ZNF217: variants seen among roughly 807,000 people sequenced by gnomAD.
The protein encoded by ZNF217 is zinc finger protein 217.
In ZNF217, 12 loss-of-function variants were observed where a neutral mutation model predicts 73.3. That is an observed-to-expected ratio of 0.16 (90% CI 0.10 to 0.27). The LOEUF is 0.27. Among genes scored for constraint, ZNF217 ranks in the 10% least tolerant of loss-of-function variants. ZNF217 has a pLI of 1.00. For missense variants in ZNF217, 1,195 were observed against 1,327.8 expected (o/e 0.90, Z 1.55); for synonymous variants, 588 against 516.4 (o/e 1.14, Z -1.88).
chr20:53,569,496 C>G (rs1987901167), intron 5 of ZNF217, among the ~76,000 whole-genome samples: 1 of 152,140 alleles, frequency 6.6e-6, no homozygotes, highest in African/African-American at 2.4e-5. Context: ...GATTCTCCTG[C>G]CTCAGCCTTC....
rs748553841 is a variant in ZNF217, at chr20:53,577,154, C to A, written c.1610G>T (p.Gly537Val). Reference sequence around the variant, plus strand: ...TGCATCTTCAGTGTCCTGATTTTTACCATCGTTCTTGACTTCAGCAGCAAC... The same window carrying A: ...TGCATCTTCAGTGTCCTGATTTTTAACATCGTTCTTGACTTCAGCAGCAAC... ...TDVAAEVKNDGKNQDTEDALL... is the reference protein window; with the variant it reads ...TDVAAEVKNDVKNQDTEDALL... Residue 537 changes from glycine to valine, a missense_variant, in exon 4 of 6, where the codon GGT becomes GTT. This residue lies in a region of ZNF217 where 649 missense variants were observed against 642.8 expected (regional missense o/e 1.01). Coordinates refer to ENST00000371471, the MANE Select transcript of ZNF217 (RefSeq NM_006526.3). 2 of 1,614,084 alleles carry A rather than the reference C, an allele frequency of 1.2e-6. No individual in the cohort carries two copies. Among genetic ancestry groups the A allele is most frequent in the South Asian group, 2.2e-5 (2 of 91,080 alleles).
intron 1 of ZNF217, among the ~76,000 whole-genome samples, chr20:53,584,672 A>T (rs923504538): frequency 6.6e-6 from 1 of 152,212 alleles, no homozygotes; most frequent in Non-Finnish European, 1.5e-5. Context: ...TATTTAACGC[A>T]GTTGGTTAAA....
intron 1 of ZNF217, among the ~76,000 whole-genome samples, chr20:53,587,948 C>T (rs1988753931): frequency 6.6e-6 from 1 of 151,750 alleles, no homozygotes; most frequent in African/African-American, 2.4e-5. Context: ...AGGGGTCACA[C>T]CCATGAGGCT....
At chr20:53,578,482 A>T (rs1404417661) in intron 2 of ZNF217, 32 bp from the exon 3 acceptor site, 1 of 1,350,350 alleles carries the variant, frequency 7.4e-7, no homozygotes, top group African/African-American at 1.5e-5. Flanking sequence ...TTTATATAAG[A>T]AGGTAGCTGA....
chr20:53,579,895 G>A (rs1421579998), intron 2 of ZNF217, among the ~76,000 whole-genome samples: 1 of 152,210 alleles, frequency 6.6e-6, no homozygotes, highest in Non-Finnish European at 1.5e-5. Flanking sequence ...ACGCCAAGCT[G>A]GGGTGCTCCC....
chr20:53,569,385 T>TTTG (rs202191003), intron 5 of ZNF217, 121 bp from the exon 6 acceptor site: 1 of 706,688 alleles, frequency 1.4e-6, no homozygotes, highest in South Asian at 1.9e-5. Flanking sequence ...ATGGGTTCTA[T>TTTG]TTGTTGTTGT....
intron 1 of ZNF217, among the ~76,000 whole-genome samples, chr20:53,593,527 G>A (rs1483931867): frequency 6.6e-6 from 1 of 150,754 alleles, no homozygotes; most frequent in African/African-American, 2.4e-5. Flanking sequence ...TGACGGCCAA[G>A]AGCGGATGCA....
chr20:53,593,343 T>A (rs1270987787), intron 1 of ZNF217, among the ~76,000 whole-genome samples: 1 of 152,056 alleles, frequency 6.6e-6, no homozygotes, highest in East Asian at 1.9e-4. Flanking sequence ...TACGCCGACG[T>A]TCCCCCTCCG....
chr20:53,569,856 A>T (rs187529162), intron 5 of ZNF217, among the ~76,000 whole-genome samples: 1 of 152,258 alleles, frequency 6.6e-6, no homozygotes, highest in African/African-American at 2.4e-5. Context: ...GCTACTCAGG[A>T]GGCTGTGGTG....
chr20:53,586,993 G>A (rs1485824952), intron 1 of ZNF217, among the ~76,000 whole-genome samples: 1 of 152,226 alleles, frequency 6.6e-6, no homozygotes, highest in African/African-American at 2.4e-5. Flanking sequence ...TAAGCTTACT[G>A]AAAAGTACTT....
rs750541013 is a variant in ZNF217, at chr20:53,588,381, TTTAA to T, written c.-342-5217_-342-5214del. Among the ~76,000 whole-genome samples the T allele has an allele frequency of 3.0e-3, 463 of 152,246 alleles. 5 individuals carry two copies. Among genetic ancestry groups the T allele is most frequent in the African/African-American group, 0.011 (438 of 41,550 alleles). On this transcript the variant is annotated intron_variant, in intron 1 of 5. Transcript: ENST00000371471. ...ATAAGGAAAGTGAATTTTTAAAAAC[TTTAA>T]TTAAGCAAGATTAAGCATTGCTATC...
intron 1 of ZNF217, among the ~76,000 whole-genome samples, chr20:53,586,411 A>T (rs1313865958): frequency 1.3e-5 from 2 of 152,136 alleles, no homozygotes; most frequent in African/African-American, 4.8e-5. Context: ...TCAAGAGCGT[A>T]ATAAAAAAAA....
At position 53,583,091 on chromosome 20, in the gene ZNF217, CTT is replaced by C. The variant is rs1272229267; in HGVS notation, c.-267_-266del. 2.8e-5 allele frequency: 12 copies of C among 430,670 alleles called. No homozygotes were observed. The South Asian group carries it at 7.7e-4, about 27-fold the overall frequency. The allele number at this position is 430,670 out of a possible 1,614,324, so 26.7% of individuals were successfully genotyped here. On this transcript the variant is annotated 5_prime_UTR_variant, in exon 2 of 6. It introduces an in-frame stop codon into an upstream open reading frame of the 5' UTR. Transcript: ENST00000371471. ...TGAATCAGCACAAAGCATTAGTTCT[CTT>C]TGTCTCCATTGAATGAGTGTTTCAA... is the stretch of plus-strand genomic sequence containing the variant.
rs1988467504 is a variant in ZNF217, at chr20:53,581,211, A to C, written c.1366+250T>G. Among the ~76,000 whole-genome samples, 1 of 152,162 alleles carries C rather than the reference A, an allele frequency of 6.6e-6. No individual in the cohort carries two copies. The highest frequency in any genetic ancestry group is 2.4e-5 in the African/African-American group (1 of 41,440). ...TGTGAGCAAAACGATACACGTTTAA[A>C]AAATATATATATATTTTCAGAACAA... On this transcript the variant is annotated intron_variant, in intron 2 of 5. Transcript: ENST00000371471. The surrounding 1 kb of genome is among the most constrained non-coding windows in gnomAD (Gnocchi z 4.9).
In ZNF217 at chr20:53,576,289, C is replaced by G. The variant is rs780502298; in HGVS notation, c.2475G>C (p.Gln825His). 8.1e-6 allele frequency: 13 copies of G among 1,614,236 alleles called. No individual in the cohort carries two copies. The highest frequency in any genetic ancestry group is 8.5e-6 in the Non-Finnish European group (10 of 1,180,044). ...TGGCGGCCCCTTGGACCCCCACATT[C>G]TGCTGTGGTCTGTGGGACTTCAGGT... is the stretch of plus-strand genomic sequence containing the variant. ...PSNLKSHRPQ[Q>H]NVGVQGAATR... Residue 825 changes from glutamine (Q) to histidine (H), a missense_variant, in exon 4 of 6, where the codon CAG becomes CAC. Transcript: ENST00000371471.
Position 53,573,151 on chromosome 20 carries a change from C to G in ZNF217, c.3038-1298G>C, listed in dbSNP as rs1344506101. Among the ~76,000 whole-genome samples the G allele has an allele frequency of 2.0e-5, 3 of 146,828 alleles. No homozygotes were observed. The South Asian group carries it at 6.3e-4, about 31-fold the overall frequency. ...TTTTTTTTTTTTTTTGAGATGGAGTCTCGCTCTGTCGCCCAGGCTGGAGTG... is the reference window on the plus strand; with the variant it reads ...TTTTTTTTTTTTTTTGAGATGGAGTGTCGCTCTGTCGCCCAGGCTGGAGTG... On this transcript the variant is annotated intron_variant, in intron 4 of 5. Transcript: ENST00000371471.
intron 3 of ZNF217, among the ~76,000 whole-genome samples, chr20:53,578,076 C>T (rs1988348964): frequency 6.6e-6 from 1 of 152,138 alleles, no homozygotes; most frequent in Admixed American, 6.6e-5. Flanking sequence ...TGCACCACTG[C>T]ACTCCAGCCG....
intron 5 of ZNF217, chr20:53,570,458 C>T (rs1281298849): frequency 1.3e-5 from 2 of 152,708 alleles, no homozygotes; most frequent in African/African-American, 2.4e-5. Flanking sequence ...TATACAGTGA[C>T]GGTTTTACGG....
chr20:53,583,664 C>T (rs1340482103), intron 1 of ZNF217, among the ~76,000 whole-genome samples: 1 of 152,148 alleles, frequency 6.6e-6, no homozygotes, highest in Admixed American at 6.5e-5. Flanking sequence ...AATCTAAGTG[C>T]CCAAACACCC....
Sources: allele counts gnomAD v4.1 joint callset (sites outside exome capture counted in the v4.1 genomes callset), GRCh38; gene constraint gnomAD v4.1.1; regional missense constraint gnomAD v4.1.1; non-coding constraint Gnocchi (gnomAD v3.1); transcripts MANE v1.5; gene names NCBI Gene and HGNC (gene_info 2026-07-23, HGNC 2026-07-21).